Variants in CHCHD6 observed in about 807,000 individuals in gnomAD.
CHCHD6 encodes MICOS complex subunit MIC25.
A neutral mutation model predicts 32.3 loss-of-function variants in CHCHD6; 28 were observed. The observed-to-expected ratio is 0.87, with a 90% CI of 0.64 to 1.19. The LOEUF is 1.19. Among genes scored for constraint, CHCHD6 ranks in the 50% most tolerant of loss-of-function variants. The pLI, the probability that CHCHD6 is intolerant of heterozygous loss-of-function variation, is 0.00. For missense variants in CHCHD6, 333 were observed against 307.0 expected (o/e 1.08, Z -0.63); for synonymous variants, 122 against 117.5 (o/e 1.04, Z -0.25).
At chr3:126,793,027 ATCT>A (rs1464030896) in intron 4 of CHCHD6, among the ~76,000 whole-genome samples, 1 of 152,092 alleles carries the variant, frequency 6.6e-6, no homozygotes, top group Non-Finnish European at 1.5e-5. Flanking sequence ...TTGCTTTAAA[ATCT>A]TCTTTGTCTG....
intron 4 of CHCHD6, among the ~76,000 whole-genome samples, chr3:126,786,395 A>T (rs1173945815): frequency 6.6e-6 from 1 of 152,242 alleles, no homozygotes; most frequent in Admixed American, 6.5e-5. Context: ...TCCCTGAGGA[A>T]TCGCCACACT....
chr3:126,889,612 A>G (rs534656797), intron 5 of CHCHD6, among the ~76,000 whole-genome samples: 11 of 152,238 alleles, frequency 7.2e-5, no homozygotes, highest in African/African-American at 2.6e-4. Context: ...ACACTCTCCA[A>G]CCACCTGGGC....
chr3:126,926,932 A>G (rs946047294), intron 6 of CHCHD6, among the ~76,000 whole-genome samples: 1 of 152,172 alleles, frequency 6.6e-6, no homozygotes, highest in Non-Finnish European at 1.5e-5. Flanking sequence ...GTGAACCGGC[A>G]GGAGGCTTCC....
intron 1 of CHCHD6, among the ~76,000 whole-genome samples, chr3:126,713,817 T>C (rs1934873731): frequency 6.6e-6 from 1 of 152,126 alleles, no homozygotes; most frequent in South Asian, 2.1e-4. Context: ...AGAAACTTAA[T>C]GATATTAATT....
At position 126,911,508 on chromosome 3, in the gene CHCHD6, AT is replaced by A. The variant is rs141240019; in HGVS notation, c.496-3171del. Reference sequence around the variant, plus strand: ...CCAAGGGAGCTGCGGTTGTGAGGACATCCGTCCCTGTAGGTCTGCTTAGGCA... The same window carrying A: ...CCAAGGGAGCTGCGGTTGTGAGGACACCGTCCCTGTAGGTCTGCTTAGGCA... On this transcript the variant is annotated intron_variant, in intron 5 of 7. Coordinates refer to ENST00000290913, the MANE Select transcript of CHCHD6 (RefSeq NM_032343.3). Among the ~76,000 whole-genome samples, 544 of 152,334 alleles carry A rather than the reference AT, an allele frequency of 3.6e-3. 4 individuals carry two copies. Among genetic ancestry groups the A allele is most frequent in the African/African-American group, 0.011 (472 of 41,582 alleles).
chr3:126,805,045 G>T (rs548960006), intron 4 of CHCHD6, among the ~76,000 whole-genome samples: 1 of 152,036 alleles, frequency 6.6e-6, no homozygotes, highest in Non-Finnish European at 1.5e-5. Context: ...TTGATGGGAC[G>T]TATCTCAAAA....
chr3:126,761,700 T>A (rs1219310965), intron 4 of CHCHD6, among the ~76,000 whole-genome samples: 1 of 152,238 alleles, frequency 6.6e-6, no homozygotes, highest in Non-Finnish European at 1.5e-5. Flanking sequence ...GGGCTGGGAT[T>A]ACAAGTGTGA....
intron 5 of CHCHD6, among the ~76,000 whole-genome samples, chr3:126,861,252 A>G (rs1941849129): frequency 6.6e-6 from 1 of 151,982 alleles, no homozygotes; most frequent in African/African-American, 2.4e-5. Context: ...TTTTTCCACT[A>G]TAGTGTGAGG....
chr3:126,927,047 G>A (rs1240500380), intron 6 of CHCHD6, among the ~76,000 whole-genome samples: 1 of 152,172 alleles, frequency 6.6e-6, no homozygotes, highest in African/African-American at 2.4e-5. Flanking sequence ...GGACAGCCAG[G>A]ACTCTGTCCA....
rs185928483 is a variant in CHCHD6 at position 126,866,232 on chromosome 3, G to T, written c.495+13502G>T. On this transcript the variant is annotated intron_variant, in intron 5 of 7. Coordinates refer to ENST00000290913, the MANE Select transcript of CHCHD6 (RefSeq NM_032343.3). Reference sequence around the variant, plus strand: ...CTATACCTGTCTGTCTCCAAAGCTGGTTTTCTTGGTGCCCAGTAGTTAGCA... The same window carrying T: ...CTATACCTGTCTGTCTCCAAAGCTGTTTTTCTTGGTGCCCAGTAGTTAGCA... 5.3e-5 allele frequency among the ~76,000 whole-genome samples: 8 copies of T among 152,246 alleles called. No homozygotes were observed. The East Asian group carries it at 1.4e-3, about 26-fold the overall frequency.
chr3:126,770,201 G>A (rs1937519024), intron 4 of CHCHD6, among the ~76,000 whole-genome samples: 1 of 152,154 alleles, frequency 6.6e-6, no homozygotes, highest in African/African-American at 2.4e-5. Flanking sequence ...TTTGTATCCT[G>A]AAACTGTGCT....
intron 1 of CHCHD6, among the ~76,000 whole-genome samples, chr3:126,722,633 A>G (rs924995030): frequency 6.6e-6 from 1 of 152,122 alleles, no homozygotes; most frequent in African/African-American, 2.4e-5. Flanking sequence ...TCCTTTGCCC[A>G]TTTTTAAGTA....
Position 126,727,109 on chromosome 3 carries a change from A to C in CHCHD6, c.119A>C (p.Glu40Ala). ...GAAAACGTGGTGAACCGCATGAAGG[A>C]GCCCAGCTCTCCACCCCCTGCTCCC... ...LSENVVNRMK[E>A]PSSPPPAPTS... Residue 40 changes from glutamate to alanine, a missense_variant, in exon 2 of 8, where the codon GAG (glutamate) becomes GCG (alanine). Glu to Ala is a moderately radical substitution (Grantham distance 107). Transcript: ENST00000290913. 6.2e-7 allele frequency: 1 copy of C among 1,614,024 alleles called. No homozygotes were observed. The highest frequency in any genetic ancestry group is 8.5e-7 in the Non-Finnish European group (1 of 1,179,918).
chr3:126,818,704 A>G (rs1940020365), intron 4 of CHCHD6, among the ~76,000 whole-genome samples: 1 of 152,186 alleles, frequency 6.6e-6, no homozygotes, highest in African/African-American at 2.4e-5. Flanking sequence ...GGGCCTCATT[A>G]CCAAGGACCG....
intron 1 of CHCHD6, among the ~76,000 whole-genome samples, chr3:126,709,772 A>G (rs1052125718): frequency 6.6e-6 from 1 of 152,120 alleles, no homozygotes; most frequent in South Asian, 2.1e-4. Context: ...TCATGTGCCT[A>G]TCCTTATATT....
chr3:126,791,199 G>C lies in CHCHD6; in HGVS notation c.411+57977G>C, dbSNP rs376426766. ...TCCTCTGGAAGTTTCATCTCAGAGG[G>C]GTACCCGGCCGTTTGAGGTGTCAGT... On this transcript the variant is annotated intron_variant, in intron 4 of 7. Coordinates refer to ENST00000290913, the MANE Select transcript of CHCHD6 (RefSeq NM_032343.3). 4.6e-5 allele frequency among the ~76,000 whole-genome samples: 7 copies of C among 152,346 alleles called. 1 individual carries two copies. The South Asian group carries it at 1.5e-3, about 32-fold the overall frequency.
intron 5 of CHCHD6, among the ~76,000 whole-genome samples, chr3:126,906,662 C>A (rs2078012238): frequency 6.6e-6 from 1 of 152,220 alleles, no homozygotes; most frequent in Admixed American, 6.5e-5. Context: ...TACAACAATA[C>A]CCCTACCTTG....
intron 4 of CHCHD6, among the ~76,000 whole-genome samples, chr3:126,843,727 A>G (rs1321610739): frequency 1.3e-5 from 2 of 152,180 alleles, no homozygotes; most frequent in South Asian, 2.1e-4. Flanking sequence ...TCTCCTCCCA[A>G]GAGTTCAATT....
intron 4 of CHCHD6, among the ~76,000 whole-genome samples, chr3:126,795,105 A>C (rs1186908329): frequency 3.3e-5 from 5 of 152,108 alleles, no homozygotes; most frequent in African/African-American, 4.8e-5. Context: ...AGTGTAGTTC[A>C]TTCTGAGAGC....
Sources: allele counts gnomAD v4.1 joint callset (sites outside exome capture counted in the v4.1 genomes callset), GRCh38; gene constraint gnomAD v4.1.1; transcripts MANE v1.5; gene names NCBI Gene and HGNC (gene_info 2026-07-23, HGNC 2026-07-21).